Variants in GRIK5 observed in about 807,000 individuals in gnomAD.
GRIK5 encodes glutamate receptor ionotropic, kainate 5.
In GRIK5, 43 loss-of-function variants were observed where a neutral mutation model predicts 97.4. That is an observed-to-expected ratio of 0.44 (90% CI 0.35 to 0.57). The LOEUF (loss-of-function observed/expected upper bound fraction) is 0.57. Among genes scored for constraint, GRIK5 ranks in the 20% least tolerant of loss-of-function variants. The pLI, the probability that GRIK5 is intolerant of heterozygous loss-of-function variation, is 0.01. For synonymous variants in GRIK5, 580 were observed against 583.5 expected, an observed-to-expected ratio of 0.99 and a Z score of 0.09; for missense variants, 1,015 against 1,382.0, an observed-to-expected ratio of 0.73 and a Z score of 4.21.
chr19:42,050,488 T>G (rs2076100221), intron 11 of GRIK5, among the ~76,000 whole-genome samples: 1 of 151,024 alleles, frequency 6.6e-6, no homozygotes, highest in Non-Finnish European at 1.5e-5. Flanking sequence ...TGAAACCCCG[T>G]CTCTACTAAA....
At chr19:42,045,974 G>A (rs1024989636) in intron 11 of GRIK5, among the ~76,000 whole-genome samples, 3 of 152,180 alleles carry the variant, frequency 2.0e-5, no homozygotes, top group Non-Finnish European at 4.4e-5. Context: ...AGAGAGAGAC[G>A]AGGGACCCAG....
At chr19:42,037,837 G>A (rs1421851827) in intron 12 of GRIK5, among the ~76,000 whole-genome samples, 1 of 152,210 alleles carries the variant, frequency 6.6e-6, no homozygotes, top group East Asian at 1.9e-4. Context: ...TTACCACAGG[G>A]GGAGGTCCTT....
chr19:42,023,860 C>T (rs928379732), intron 12 of GRIK5, among the ~76,000 whole-genome samples: 4 of 152,206 alleles, frequency 2.6e-5, no homozygotes, highest in Non-Finnish European at 5.9e-5. Context: ...CAGTCCATTC[C>T]TCACATATAA....
intron 15 of GRIK5, among the ~76,000 whole-genome samples, chr19:42,019,989 T>G (rs947457000): frequency 1.0e-4 from 15 of 148,180 alleles, no homozygotes; most frequent in Non-Finnish European, 1.4e-4. Context: ...TTTTGGGGGT[T>G]TTTTTTTTTT....
chr19:42,023,615 C>T lies in GRIK5; in HGVS notation c.1474-1261G>A, dbSNP rs930539465. ...ACTTCCTCCTGAAAGCCTAAGGGCC[C>T]CCATCCTTTGTTCCCACACTGGCCT... On this transcript the variant is annotated intron_variant, in intron 12 of 19. Transcript: ENST00000593562. Among the ~76,000 whole-genome samples the T allele has an allele frequency of 5.3e-5, 8 of 152,178 alleles. No homozygotes were observed. The East Asian group carries it at 1.5e-3, about 29-fold the overall frequency.
chr19:41,998,837 G>T lies in GRIK5; in HGVS notation c.*34C>A. On this transcript the variant is annotated 3_prime_UTR_variant, in exon 20 of 20. Coordinates refer to ENST00000593562, the MANE Select transcript of GRIK5 (RefSeq NM_002088.5). ...GCCTGGGGCGGGCCCCGTCCCTTCG[G>T]TCAGTCCGGGCGCCCGCACAGCCCC... 1 of 1,086,256 alleles carries T rather than the reference G, an allele frequency of 9.2e-7. No individual in the cohort carries two copies. The highest frequency in any genetic ancestry group is 1.1e-6 in the Non-Finnish European group (1 of 886,840). 67.3% of individuals were successfully genotyped at this position (1,086,256 alleles called of 1,614,324 possible). A position where few individuals can be genotyped will look rare whatever the true frequency, so the allele number is the denominator to read the frequency against.
chr19:42,009,996 G>A (rs1256699608), intron 15 of GRIK5, among the ~76,000 whole-genome samples: 1 of 151,286 alleles, frequency 6.6e-6, no homozygotes, highest in Non-Finnish European at 1.5e-5. Context: ...ATCCCAGGAG[G>A]TGGAGGTTGC....
chr19:42,012,729 G>T lies in GRIK5; in HGVS notation c.1872-5919C>A, dbSNP rs113665749. Among the ~76,000 whole-genome samples, 40 of 151,998 alleles carry T rather than the reference G, an allele frequency of 2.6e-4. 1 individual carries two copies. Among genetic ancestry groups the T allele is most frequent in the African/African-American group, 8.9e-4 (37 of 41,484 alleles). On this transcript the variant is annotated intron_variant, in intron 15 of 19. Transcript: ENST00000593562. ...ATCTCTACAAAAAGTTAGCCAGACT[G>T]GGTGGCACGTGCCTGTGGTTCCAGC...
rs2076153807 is a variant in GRIK5 at position 42,054,293 on chromosome 19, CCTCCACCCAT to C, written c.1056+17_1056+26del. 9 of 1,593,746 alleles carry C rather than the reference CCTCCACCCAT, an allele frequency of 5.6e-6. No individual in the cohort carries two copies. The highest frequency in any genetic ancestry group is 6.8e-6 in the Non-Finnish European group (8 of 1,168,380). ...CACCTGAGGTGGCCGTGTCCTGCCT[CCTCCACCCAT>C]CCCCGCTCGGGCTCACCATGCGCAG... On this transcript the variant is annotated intron_variant, in intron 9 of 19. Transcript: ENST00000593562.
At chr19:42,068,997 T>A (rs1007763612) in intron 1 of GRIK5, 1 of 531,480 alleles carries the variant, frequency 1.9e-6, no homozygotes, top group Admixed American at 3.4e-5. Flanking sequence ...ATCAGCCCCG[T>A]AGGACCCCAG....
At chr19:42,067,453 G>A (rs1450553616) in intron 1 of GRIK5, among the ~76,000 whole-genome samples, 1 of 152,166 alleles carries the variant, frequency 6.6e-6, no homozygotes, top group Non-Finnish European at 1.5e-5. Context: ...TGTGGATTAA[G>A]GTGAAGGCTT....
intron 1 of GRIK5, among the ~76,000 whole-genome samples, chr19:42,067,117 G>A (rs1323685298): frequency 1.3e-5 from 2 of 152,216 alleles, no homozygotes; most frequent in Non-Finnish European, 2.9e-5. Flanking sequence ...CCACGGGAAG[G>A]GATGCTTGGG....
At chr19:42,045,647 G>A (rs2076034264) in intron 11 of GRIK5, among the ~76,000 whole-genome samples, 1 of 152,204 alleles carries the variant, frequency 6.6e-6, no homozygotes, top group Admixed American at 6.5e-5. Context: ...ATGGAATGGA[G>A]GGCAGTCAGT....
chr19:42,040,190 A>G (rs1319327539), intron 12 of GRIK5, among the ~76,000 whole-genome samples: 2 of 152,208 alleles, frequency 1.3e-5, no homozygotes, highest in Non-Finnish European at 2.9e-5. Flanking sequence ...GCTAAGCTTT[A>G]AACAGCCAAC....
At chr19:42,038,668 C>T (rs182317018) in intron 12 of GRIK5, among the ~76,000 whole-genome samples, 395 of 152,344 alleles carry the variant, frequency 2.6e-3, no homozygotes, top group Non-Finnish European at 3.6e-3. Flanking sequence ...ACACACCTGG[C>T]TGCAGCCCTG....
intron 12 of GRIK5, among the ~76,000 whole-genome samples, chr19:42,037,234 C>G (rs999466223): frequency 7.2e-5 from 11 of 152,186 alleles, no homozygotes; most frequent in African/African-American, 2.7e-4. Context: ...CCAAGGCGGA[C>G]AGCTCACTTG....
chr19:42,051,023 G>A (rs2076108684), intron 11 of GRIK5, among the ~76,000 whole-genome samples: 1 of 152,182 alleles, frequency 6.6e-6, no homozygotes, highest in Non-Finnish European at 1.5e-5. Flanking sequence ...TAAGTGACTT[G>A]AACTAATAAG....
At chr19:42,046,737 G>C (rs1235895942) in intron 11 of GRIK5, among the ~76,000 whole-genome samples, 1 of 152,184 alleles carries the variant, frequency 6.6e-6, no homozygotes, top group African/African-American at 2.4e-5. Context: ...GCTTGTATAT[G>C]CATAGACATT....
chr19:42,006,503 T>G lies in GRIK5; in HGVS notation c.2037+142A>C. On this transcript the variant is annotated intron_variant, in intron 16 of 19. Coordinates refer to ENST00000593562, the MANE Select transcript of GRIK5 (RefSeq NM_002088.5). This position sits in a 1 kb window ranked among gnomAD's most constrained non-coding sequence, Gnocchi z 5.3. ...CAGCTGCGAGCCCCATGACAGCACA[T>G]GTGTGTTTTCTGCTCCCCAGCCTCC... 5 of 702,088 alleles carry G rather than the reference T, an allele frequency of 7.1e-6. No homozygotes were observed. Among genetic ancestry groups the G allele is most frequent in the Non-Finnish European group, 1.2e-5 (5 of 411,084 alleles). 43.5% of individuals were successfully genotyped at this position (702,088 alleles called of 1,614,324 possible).
Sources: gnomAD v4.1 joint callset for allele counts (sites outside exome capture counted in the v4.1 genomes callset) on GRCh38, gnomAD v4.1.1 for gene constraint, Gnocchi (gnomAD v3.1) non-coding constraint, MANE v1.5 for transcripts, NCBI Gene and HGNC (gene_info 2026-07-23, HGNC 2026-07-21) for gene names.